Variants in DIAPH3 observed in about 807,000 individuals in gnomAD.
The protein encoded by DIAPH3 is protein diaphanous homolog 3.
A neutral mutation model predicts 144.3 loss-of-function variants in DIAPH3; 117 were observed. The ratio of observed to expected loss-of-function variants is 0.81; its 90% CI spans 0.70 to 0.95. The LOEUF is 0.95. DIAPH3 is among the 40% of genes least tolerant of loss of function. The pLI is 0.00. For synonymous variants in DIAPH3, 519 were observed against 488.9 expected (o/e 1.06, Z -0.81); for missense variants, 1,421 against 1,412.7 (o/e 1.01, Z -0.09).
In DIAPH3 at chr13:59,861,553, G is replaced by A. The variant is rs1252543184; in HGVS notation, c.2608-17C>T. The A allele has an allele frequency of 1.2e-6, 2 of 1,612,120 alleles. No individual in the cohort carries two copies. The highest frequency in any genetic ancestry group is 2.2e-5 in the South Asian group (2 of 91,010). ...GTCCTTTAGCTAAATAGAACAGGAG[G>A]GAGAAAAAACACAGAGTCATAAGTA... On this transcript the variant is annotated splice_polypyrimidine_tract_variant and intron_variant, in intron 21 of 27. Transcript: ENST00000400324.
At chr13:59,856,899 T>TA (rs55944808) in intron 22 of DIAPH3, among the ~76,000 whole-genome samples, 1,432 of 139,850 alleles carry the variant, frequency 0.01, 12 homozygotes, top group South Asian at 0.022. Context: ...CAGATATTGG[T>TA]AAAAAAAAAA....
intron 4 of DIAPH3, among the ~76,000 whole-genome samples, chr13:60,057,764 C>G (rs2056613048): frequency 6.6e-6 from 1 of 151,676 alleles, no homozygotes; most frequent in Non-Finnish European, 1.5e-5. Context: ...CACTGATCAT[C>G]AACAAAGCAT....
chr13:59,956,415 G>A (rs1409228916), intron 17 of DIAPH3, among the ~76,000 whole-genome samples: 1 of 152,190 alleles, frequency 6.6e-6, no homozygotes, highest in Non-Finnish European at 1.5e-5. Flanking sequence ...TTGCATCAGA[G>A]GGTGCAAGCC....
chr13:59,932,822 G>A (rs949512626), intron 17 of DIAPH3, among the ~76,000 whole-genome samples: 1 of 152,166 alleles, frequency 6.6e-6, no homozygotes, highest in African/African-American at 2.4e-5. Flanking sequence ...CTGCCTAAGA[G>A]AGAAAACAAC....
intron 13 of DIAPH3, among the ~76,000 whole-genome samples, chr13:59,983,073 A>C (rs990157653): frequency 1.3e-5 from 2 of 150,486 alleles, no homozygotes; most frequent in African/African-American, 4.9e-5. Flanking sequence ...TTAAGAAAGC[A>C]AGTGCCTGAC....
chr13:59,908,393 A>AAT (rs1555331342), intron 20 of DIAPH3, among the ~76,000 whole-genome samples: 2 of 111,288 alleles, frequency 1.8e-5, no homozygotes, highest in Non-Finnish European at 1.8e-5. Context: ...AAAAAAAAAA[A>AAT]AGTAAGACAT....
At chr13:59,670,651 C>G (rs988401832) in intron 27 of DIAPH3, among the ~76,000 whole-genome samples, 1 of 149,870 alleles carries the variant, frequency 6.7e-6, no homozygotes, top group Non-Finnish European at 1.5e-5. Context: ...GGCGGGATCT[C>G]GGCTCACTGC....
At chr13:60,072,014 A>G (rs2057226208) in intron 4 of DIAPH3, among the ~76,000 whole-genome samples, 1 of 152,166 alleles carries the variant, frequency 6.6e-6, no homozygotes, top group Non-Finnish European at 1.5e-5. Context: ...ACATCTGAGC[A>G]GTGTGGGGCA....
chr13:60,096,423 G>T (rs1020379578), intron 3 of DIAPH3, among the ~76,000 whole-genome samples: 41 of 152,148 alleles, frequency 2.7e-4, no homozygotes, highest in African/African-American at 9.9e-4. Context: ...GATAACACCA[G>T]TTCATACAAA....
intron 1 of DIAPH3, among the ~76,000 whole-genome samples, chr13:60,157,837 G>A (rs534421459): frequency 2.0e-5 from 3 of 152,284 alleles, no homozygotes; most frequent in East Asian, 1.9e-4. Flanking sequence ...GTTCAGATAT[G>A]TTAGCCCTAC....
chr13:59,748,991 A>T (rs1019548570), intron 27 of DIAPH3, among the ~76,000 whole-genome samples: 1 of 151,938 alleles, frequency 6.6e-6, no homozygotes, highest in East Asian at 1.9e-4. Flanking sequence ...AGGTGTGTGG[A>T]TTACTTGAGG....
At chr13:60,119,974 C>G (rs531519487) in intron 2 of DIAPH3, among the ~76,000 whole-genome samples, 67 of 151,876 alleles carry the variant, frequency 4.4e-4, no homozygotes, top group Non-Finnish European at 8.8e-4. Flanking sequence ...TAGTTACCAT[C>G]CCTACAGATG....
intron 22 of DIAPH3, among the ~76,000 whole-genome samples, chr13:59,854,819 T>G (rs2043173713): frequency 6.6e-6 from 1 of 152,180 alleles, no homozygotes; most frequent in Non-Finnish European, 1.5e-5. Context: ...CTGCAAACAC[T>G]GTAAACTGTT....
At chr13:60,000,513 A>G (rs2052458807) in intron 9 of DIAPH3, among the ~76,000 whole-genome samples, 1 of 152,200 alleles carries the variant, frequency 6.6e-6, no homozygotes, top group South Asian at 2.1e-4. Context: ...AGATAATCAT[A>G]ACAAGTAGAG....
At chr13:60,157,069 G>A (rs1021360309) in intron 1 of DIAPH3, among the ~76,000 whole-genome samples, 4 of 150,526 alleles carry the variant, frequency 2.7e-5, no homozygotes, top group African/African-American at 7.3e-5. Context: ...CTCAGCCTCC[G>A]GAGTAGGTGG....
intron 22 of DIAPH3, among the ~76,000 whole-genome samples, chr13:59,852,293 A>G (rs2043021599): frequency 6.6e-6 from 1 of 152,172 alleles, no homozygotes; most frequent in Admixed American, 6.5e-5. Context: ...AGCGTGAATA[A>G]ATATTATTTT....
intron 20 of DIAPH3, among the ~76,000 whole-genome samples, chr13:59,896,853 A>G (rs2046130686): frequency 6.6e-6 from 1 of 152,200 alleles, no homozygotes; most frequent in Non-Finnish European, 1.5e-5. Flanking sequence ...TGAAAAGAAA[A>G]TAAATAACCC....
At chr13:59,810,623 A>G (rs2099316293) in intron 25 of DIAPH3, among the ~76,000 whole-genome samples, 165 bp downstream of exon 25, 1 of 152,182 alleles carries the variant, frequency 6.6e-6, no homozygotes, top group Admixed American at 6.5e-5. Flanking sequence ...CTCGTTAGTA[A>G]ATGGAAGGGA....
At chr13:59,963,710 GTCTCAC>G (rs2049897995) in intron 17 of DIAPH3, among the ~76,000 whole-genome samples, 1 of 152,038 alleles carries the variant, frequency 6.6e-6, no homozygotes, top group African/African-American at 2.4e-5. Context: ...TAGAGACAGG[GTCTCAC>G]TCTATCACCC....
Sources: allele counts gnomAD v4.1 joint callset (sites outside exome capture counted in the v4.1 genomes callset), GRCh38; gene constraint gnomAD v4.1.1; transcripts MANE v1.5; gene names NCBI Gene and HGNC (gene_info 2026-07-23, HGNC 2026-07-21).